The following GRIA1 variants were observed in gnomAD, a reference collection of about 807,000 sequenced individuals.
GRIA1 encodes the protein glutamate receptor 1.
Under a neutral mutation model 99.2 loss-of-function variants are expected in GRIA1, and 31 were observed. The ratio of observed to expected loss-of-function variants is 0.31; its 90% confidence interval spans 0.23 to 0.42. The LOEUF (loss-of-function observed/expected upper bound fraction) is 0.42, where lower values mean the gene tolerates loss of function less well. Among genes scored for constraint, GRIA1 ranks in the 10% least tolerant of loss-of-function variants. The pLI is 1.00. For synonymous variants in GRIA1, 438 were observed against 432.4 expected, an observed-to-expected ratio of 1.01 and a Z score of -0.16; for missense variants, 782 against 1,157.5, an observed-to-expected ratio of 0.68 and a Z score of 4.71.
chr5:153,555,212 A>G (rs1375116311), intron 2 of GRIA1, among the ~76,000 whole-genome samples: 1 of 151,844 alleles, frequency 6.6e-6, no homozygotes. Context: ...ACTTTTTAAA[A>G]AAGAACCAAT....
At chr5:153,622,690 A>G (rs746047446) in intron 2 of GRIA1, among the ~76,000 whole-genome samples, 8 of 152,226 alleles carry the variant, frequency 5.3e-5, no homozygotes, top group Admixed American at 1.3e-4. Context: ...ATTGAATATC[A>G]TATCACTACC....
intron 11 of GRIA1, among the ~76,000 whole-genome samples, chr5:153,750,181 A>T (rs1415253666): frequency 6.6e-6 from 1 of 152,180 alleles, no homozygotes; most frequent in African/African-American, 2.4e-5. Context: ...TTTGGCCAGC[A>T]CTAATTACCC....
intron 5 of GRIA1, among the ~76,000 whole-genome samples, chr5:153,657,539 T>C (rs1755044334): frequency 1.3e-5 from 2 of 152,224 alleles, no homozygotes; most frequent in Admixed American, 1.3e-4. Flanking sequence ...TGAGCAATAG[T>C]AATTGAACAA....
intron 12 of GRIA1, 127 bp downstream of exon 12, chr5:153,764,759 A>AG: frequency 1.5e-6 from 1 of 652,884 alleles, no homozygotes; most frequent in Non-Finnish European, 2.7e-6. Context: ...ACTGTAAGTC[A>AG]GGGAAACTCA....
At chr5:153,738,628 C>A (rs1017402477) in intron 11 of GRIA1, among the ~76,000 whole-genome samples, 1 of 151,522 alleles carries the variant, frequency 6.6e-6, no homozygotes, top group African/African-American at 2.4e-5. Flanking sequence ...TGGGTTTGTT[C>A]ATTTTTCCTC....
At chr5:153,672,425 A>C (rs1360113193) in intron 5 of GRIA1, among the ~76,000 whole-genome samples, 2 of 152,192 alleles carry the variant, frequency 1.3e-5, no homozygotes, top group African/African-American at 4.8e-5. Context: ...TCTTTAGATA[A>C]GAAGTCAGGA....
chr5:153,625,221 CAT>C (rs1343490606), intron 2 of GRIA1, among the ~76,000 whole-genome samples: 7 of 152,152 alleles, frequency 4.6e-5, no homozygotes, highest in African/African-American at 1.7e-4. Context: ...ATGGGAGAAA[CAT>C]AGCCCAGGAA....
intron 2 of GRIA1, among the ~76,000 whole-genome samples, chr5:153,531,531 A>G (rs1408437076): frequency 1.3e-5 from 2 of 152,314 alleles, no homozygotes; most frequent in African/African-American, 2.4e-5. Context: ...ACTTCAAGGT[A>G]TAAGTTAAGG....
At chr5:153,624,483 G>A (rs978401618) in intron 2 of GRIA1, among the ~76,000 whole-genome samples, 1 of 152,188 alleles carries the variant, frequency 6.6e-6, no homozygotes. Flanking sequence ...CTCCCCTGAT[G>A]CATTTACATG....
At chr5:153,550,274 C>T (rs185410020) in intron 2 of GRIA1, among the ~76,000 whole-genome samples, 1 of 151,714 alleles carries the variant, frequency 6.6e-6, no homozygotes, top group East Asian at 1.9e-4. Flanking sequence ...AAGACGTGTA[C>T]ACACAGCTGT....
chr5:153,621,437 AC>A (rs145839045), intron 2 of GRIA1, among the ~76,000 whole-genome samples: 33,738 of 151,394 alleles, frequency 0.22, 4,280 homozygotes, highest in Non-Finnish European at 0.29. Context: ...CCCTATCTTT[AC>A]AAAAAATTTA....
At chr5:153,628,055 G>A (rs1767805436) in intron 2 of GRIA1, among the ~76,000 whole-genome samples, 1 of 152,222 alleles carries the variant, frequency 6.6e-6, no homozygotes, top group African/African-American at 2.4e-5. Context: ...TGCTTTAGGT[G>A]TAGTGTGAAG....
chr5:153,723,838 G>A (rs7445627), intron 11 of GRIA1, among the ~76,000 whole-genome samples: 1 of 152,042 alleles, frequency 6.6e-6, no homozygotes, highest in African/African-American at 2.4e-5. Flanking sequence ...CAAAAAGACA[G>A]CAGTAACCTC....
At chr5:153,709,650 G>T (rs942547219) in intron 11 of GRIA1, among the ~76,000 whole-genome samples, 1 of 152,148 alleles carries the variant, frequency 6.6e-6, no homozygotes. Flanking sequence ...TTTTCTTCTT[G>T]TTCATAAGAT....
intron 7 of GRIA1, among the ~76,000 whole-genome samples, chr5:153,685,906 A>AT (rs1168301825): frequency 6.6e-6 from 1 of 152,192 alleles, no homozygotes; most frequent in East Asian, 1.9e-4. Context: ...GGCAGTGGTC[A>AT]TAGTGGTTGT....
intron 2 of GRIA1, among the ~76,000 whole-genome samples, chr5:153,502,951 A>G (rs1755150562): frequency 6.6e-6 from 1 of 152,226 alleles, no homozygotes; most frequent in Non-Finnish European, 1.5e-5. Flanking sequence ...GAACCTAACA[A>G]TTTAAACATT....
intron 14 of GRIA1, among the ~76,000 whole-genome samples, chr5:153,797,868 T>C (rs1221405171): frequency 6.6e-6 from 1 of 152,218 alleles, no homozygotes; most frequent in Non-Finnish European, 1.5e-5. Flanking sequence ...GCTAGGGAAC[T>C]GGCCTAGATT....
At chr5:153,496,156 G>A (rs144907481) in intron 2 of GRIA1, among the ~76,000 whole-genome samples, 1 of 152,214 alleles carries the variant, frequency 6.6e-6, no homozygotes, top group Non-Finnish European at 1.5e-5. Flanking sequence ...TGGTGCTTCT[G>A]TCTTGTTATC....
chr5:153,811,313 G>T lies in GRIA1; in HGVS notation c.*88G>T. On this transcript the variant is annotated 3_prime_UTR_variant, in exon 16 of 16. Coordinates refer to ENST00000285900, the MANE Select transcript of GRIA1 (RefSeq NM_000827.4). ...TCAGTGCCAAAAACAACAACAAAATGAAACGCAACCACCACCAACCACTGC... is the reference window on the plus strand; with the variant it reads ...TCAGTGCCAAAAACAACAACAAAATTAAACGCAACCACCACCAACCACTGC... The T allele has an allele frequency of 1.1e-6, 1 of 879,366 alleles. No individual in the cohort carries two copies. The highest frequency in any genetic ancestry group is 1.9e-6 in the Non-Finnish European group (1 of 537,106). 54.5% of individuals were successfully genotyped at this position (879,366 alleles called of 1,614,324 possible).
Sources: gnomAD v4.1 joint callset for allele counts (sites outside exome capture counted in the v4.1 genomes callset) on GRCh38, gnomAD v4.1.1 for gene constraint, MANE v1.5 for transcripts, NCBI Gene and HGNC (gene_info 2026-07-23, HGNC 2026-07-21) for gene names.